Variants in SPRR2G observed in about 807,000 individuals in gnomAD.
The protein encoded by SPRR2G is small proline rich protein 2G.
SPRR2G carries 1 observed loss-of-function variant against 0.7 expected under a neutral mutation model. The observed-to-expected ratio is 1.49, with a 90% CI of 0.53 to 7.06. The LOEUF (loss-of-function observed/expected upper bound fraction) is 7.06. Ranked by LOEUF, SPRR2G falls within the 30% of genes most tolerant of loss-of-function variation. The pLI, the probability that SPRR2G is intolerant of heterozygous loss-of-function variation, is 0.14. For synonymous variants in SPRR2G, 38 were observed against 33.9 expected (o/e 1.12, Z -0.42); for missense variants, 96 against 88.5 (o/e 1.09, Z -0.34).
chr1:153,150,798 G>A (rs187429111), intron 1 of SPRR2G, 54 bp downstream of exon 1: 2 of 154,810 alleles, frequency 1.3e-5, no homozygotes, highest in East Asian at 3.9e-4. Context: ...CTGTACCCAG[G>A]TTAGACCCTA....
the SPRR2G span, among the ~76,000 whole-genome samples, chr1:153,167,540 A>G: frequency 6.6e-6 from 1 of 152,162 alleles, no homozygotes; most frequent in South Asian, 2.1e-4. Context: ...TGGCAATTAC[A>G]GTAAGTTATT....
chr1:153,166,546 A>G, the SPRR2G span, among the ~76,000 whole-genome samples: 1 of 152,094 alleles, frequency 6.6e-6, no homozygotes, highest in Non-Finnish European at 1.5e-5. Flanking sequence ...CTCTTCCTTG[A>G]TACCTAAGCT....
At chr1:153,197,532 T>C in the SPRR2G span, among the ~76,000 whole-genome samples, 1 of 152,152 alleles carries the variant, frequency 6.6e-6, no homozygotes, top group Non-Finnish European at 1.5e-5. Context: ...ATTTCCCAAA[T>C]ATTCACTGAG....
chr1:153,194,973 G>A, the SPRR2G span, among the ~76,000 whole-genome samples: 1 of 152,126 alleles, frequency 6.6e-6, no homozygotes, highest in Non-Finnish European at 1.5e-5. Flanking sequence ...CTCCACTGCT[G>A]TCACTAAAGC....
chr1:153,155,462 T>A (rs1656563880), upstream of SPRR2G, among the ~76,000 whole-genome samples: 1 of 152,198 alleles, frequency 6.6e-6, no homozygotes, highest in Non-Finnish European at 1.5e-5. Context: ...CTATGCTGAC[T>A]GCCATGCCCT....
the SPRR2G span, among the ~76,000 whole-genome samples, chr1:153,198,236 GA>G: frequency 6.6e-6 from 1 of 152,184 alleles, no homozygotes; most frequent in Non-Finnish European, 1.5e-5. Context: ...CTTTACCCCA[GA>G]ATCTACGGTA....
the SPRR2G span, among the ~76,000 whole-genome samples, chr1:153,195,236 T>C: frequency 5.9e-5 from 9 of 152,128 alleles, no homozygotes; most frequent in African/African-American, 2.2e-4. Context: ...CCCTCTCCAA[T>C]CTCTTTCTTC....
the SPRR2G span, among the ~76,000 whole-genome samples, chr1:153,159,692 AG>A: frequency 6.6e-6 from 1 of 152,164 alleles, no homozygotes; most frequent in Non-Finnish European, 1.5e-5. Context: ...TTGCATGGCT[AG>A]GGAGGCCTCA....
chr1:153,197,284 G>T, the SPRR2G span, among the ~76,000 whole-genome samples: 3 of 151,944 alleles, frequency 2.0e-5, no homozygotes, highest in East Asian at 5.8e-4. Flanking sequence ...TTGGGAGCCT[G>T]GATCAGATGG....
At chr1:153,186,159 G>T in the SPRR2G span, among the ~76,000 whole-genome samples, 1 of 152,188 alleles carries the variant, frequency 6.6e-6, no homozygotes, top group Non-Finnish European at 1.5e-5. Flanking sequence ...TAGAATAAGT[G>T]CATTGTGGTG....
chr1:153,165,725 A>G, the SPRR2G span, among the ~76,000 whole-genome samples: 1 of 148,358 alleles, frequency 6.7e-6, no homozygotes, highest in African/African-American at 2.6e-5. Flanking sequence ...AATATATAAT[A>G]AAGTCCTGGA....
chr1:153,149,740 T>G lies in SPRR2G; in HGVS notation c.*149A>C. On this transcript the variant is annotated 3_prime_UTR_variant, in exon 2 of 2. Transcript: ENST00000368748. ...CCAACAACATATCGGTTTTCAGAAC[T>G]AAGCCTTTTCTCTGTCAACGCTCAA... 1 of 1,007,778 alleles carries G rather than the reference T, an allele frequency of 9.9e-7. No individual in the cohort carries two copies. Among genetic ancestry groups the G allele is most frequent in the Non-Finnish European group, 1.5e-6 (1 of 676,018 alleles). 62.4% of individuals were successfully genotyped at this position (1,007,778 alleles called of 1,614,324 possible).
At chr1:153,193,044 C>T in the SPRR2G span, among the ~76,000 whole-genome samples, 1 of 151,922 alleles carries the variant, frequency 6.6e-6, no homozygotes. Flanking sequence ...AAACCTTCTC[C>T]TTGTCCGCTG....
the SPRR2G span, among the ~76,000 whole-genome samples, chr1:153,161,081 G>C: frequency 7.3e-6 from 1 of 137,664 alleles, no homozygotes; most frequent in African/African-American, 2.7e-5. Context: ...TCACACACCC[G>C]GGCCTGTTGT....
At chr1:153,151,692 C>T (rs1208477112), upstream of SPRR2G, among the ~76,000 whole-genome samples, 1 of 152,222 alleles carries the variant, frequency 6.6e-6, no homozygotes, top group Admixed American at 6.5e-5. Flanking sequence ...TGAAGCTTTT[C>T]TCCTACATGC....
At position 153,149,707 on chromosome 1, in the gene SPRR2G, C is replaced by T; in HGVS notation, c.*182G>A. Reference sequence around the variant, plus strand: ...GCGAGATTAGGCAGTGATCTGGCTGCTCATCTTCCAACAACATATCGGTTT... The same window carrying T: ...GCGAGATTAGGCAGTGATCTGGCTGTTCATCTTCCAACAACATATCGGTTT... On this transcript the variant is annotated 3_prime_UTR_variant, in exon 2 of 2. Transcript: ENST00000368748. The T allele has an allele frequency of 1.3e-6, 1 of 753,572 alleles. No homozygotes were observed. Among genetic ancestry groups the T allele is most frequent in the Admixed American group, 2.4e-5 (1 of 41,178 alleles). The allele number at this position is 753,572 out of a possible 1,614,324, so 46.7% of individuals were successfully genotyped here.
chr1:153,177,888 G>C, the SPRR2G span, among the ~76,000 whole-genome samples: 36 of 151,792 alleles, frequency 2.4e-4, no homozygotes, highest in African/African-American at 8.4e-4. Flanking sequence ...AGCCAGCTGG[G>C]ATTTTTATTA....
At chr1:153,182,992 C>G in the SPRR2G span, among the ~76,000 whole-genome samples, 1 of 151,932 alleles carries the variant, frequency 6.6e-6, no homozygotes, top group Non-Finnish European at 1.5e-5. Flanking sequence ...CTAATTTACA[C>G]TCCCACCAAC....
At chr1:153,197,176 GTGTA>G in the SPRR2G span, among the ~76,000 whole-genome samples, 1 of 124,482 alleles carries the variant, frequency 8.0e-6, no homozygotes, top group African/African-American at 2.9e-5. Context: ...GTGTGTGTGT[GTGTA>G]TGTTGGAGGA....
Sources: gnomAD v4.1 joint callset for allele counts (sites outside exome capture counted in the v4.1 genomes callset) on GRCh38, gnomAD v4.1.1 for gene constraint, MANE v1.5 for transcripts, NCBI Gene and HGNC (gene_info 2026-07-23, HGNC 2026-07-21) for gene names.